The following FRMD5 variants were observed in gnomAD, a reference collection of about 807,000 sequenced individuals.
FRMD5 encodes the protein FERM domain containing 5, also known as FERM domain-containing protein 5.
Under a neutral mutation model 69.0 loss-of-function variants are expected in FRMD5, and 20 were observed. The observed-to-expected ratio is 0.29, with a 90% confidence interval of 0.20 to 0.42. The LOEUF is 0.42. Ranked by LOEUF, FRMD5 falls within the 10% of genes least tolerant of loss-of-function variation. FRMD5 has a pLI of 1.00. For synonymous variants in FRMD5, 271 were observed against 260.1 expected (o/e 1.04, Z -0.40); for missense variants, 595 against 708.6 (o/e 0.84, Z 1.82).
intron 1 of FRMD5, among the ~76,000 whole-genome samples, chr15:44,112,387 T>G (rs1010421299): frequency 6.6e-6 from 1 of 152,106 alleles, no homozygotes; most frequent in African/African-American, 2.4e-5. Context: ...AACTCATAAT[T>G]CAATCTTTCT....
intron 1 of FRMD5, among the ~76,000 whole-genome samples, chr15:43,931,404 C>G (rs1286557436): frequency 6.6e-6 from 1 of 152,080 alleles, no homozygotes; most frequent in East Asian, 1.9e-4. Flanking sequence ...CTCTTTCTCT[C>G]TCACACTTAT....
At chr15:44,137,294 C>T (rs903190696) in intron 1 of FRMD5, among the ~76,000 whole-genome samples, 2 of 152,238 alleles carry the variant, frequency 1.3e-5, no homozygotes, top group Admixed American at 1.3e-4. Context: ...TCTCCAAGAA[C>T]ATACTGCCTT....
intron 1 of FRMD5, among the ~76,000 whole-genome samples, chr15:44,069,231 A>G (rs1893430698): frequency 6.6e-6 from 1 of 152,208 alleles, no homozygotes; most frequent in Admixed American, 6.5e-5. Flanking sequence ...GTCAGTGGGA[A>G]TGTAAAATGG....
chr15:44,096,507 A>G (rs1045151288), intron 1 of FRMD5, among the ~76,000 whole-genome samples: 10 of 151,194 alleles, frequency 6.6e-5, no homozygotes, highest in African/African-American at 2.2e-4. Context: ...GGTTCAAGTA[A>G]TTCTCCTACC....
rs897555010 is a variant in FRMD5, at chr15:43,909,983, G to A, written c.330-4C>T. The A allele has an allele frequency of 2.0e-6, 3 of 1,521,280 alleles. No homozygotes were observed. Among genetic ancestry groups the A allele is most frequent in the African/African-American group, 2.7e-5 (2 of 73,136 alleles). The allele number at this position is 1,521,280 out of a possible 1,614,324, so 94.2% of individuals were successfully genotyped here. On this transcript the variant is annotated splice_polypyrimidine_tract_variant and splice_region_variant and intron_variant, in intron 4 of 13. Transcript: ENST00000417257. ...GATCTGCAGGAAGACTAAATACCTG[G>A]AGAGAAAACAGAGAATAAACTATAA...
At chr15:44,034,272 T>C (rs940172969) in intron 1 of FRMD5, among the ~76,000 whole-genome samples, 2 of 152,256 alleles carry the variant, frequency 1.3e-5, no homozygotes, top group African/African-American at 4.8e-5. Flanking sequence ...CTTAAAAGTT[T>C]ACTAATCACA....
chr15:44,051,434 T>A (rs1050378330), intron 1 of FRMD5, among the ~76,000 whole-genome samples: 13 of 151,370 alleles, frequency 8.6e-5, no homozygotes, highest in Admixed American at 7.9e-4. Context: ...TTAAAGATAT[T>A]ACAGTTTTAA....
intron 1 of FRMD5, among the ~76,000 whole-genome samples, chr15:43,955,122 T>C (rs2090094083): frequency 6.6e-6 from 1 of 152,236 alleles, no homozygotes; most frequent in African/African-American, 2.4e-5. Context: ...AGGTACACTG[T>C]AAATGCATAT....
chr15:43,892,454 T>A (rs1595488469), intron 7 of FRMD5, among the ~76,000 whole-genome samples: 1 of 152,346 alleles, frequency 6.6e-6, no homozygotes, highest in East Asian at 1.9e-4. Context: ...AGTTACCATA[T>A]GACCCAGCAA....
chr15:44,064,705 A>G (rs1204022941), intron 1 of FRMD5, among the ~76,000 whole-genome samples: 2 of 152,248 alleles, frequency 1.3e-5, no homozygotes, highest in South Asian at 2.1e-4. Context: ...CTGTAGTCTT[A>G]TATTACCTCC....
intron 1 of FRMD5, among the ~76,000 whole-genome samples, chr15:44,180,033 A>C (rs2077968541): frequency 7.0e-6 from 1 of 142,748 alleles, no homozygotes; most frequent in Admixed American, 7.2e-5. Flanking sequence ...CCTGGACAAG[A>C]TAGTGAGACT....
intron 1 of FRMD5, among the ~76,000 whole-genome samples, chr15:43,995,597 A>G (rs1487391076): frequency 6.6e-6 from 1 of 151,956 alleles, no homozygotes; most frequent in Non-Finnish European, 1.5e-5. Context: ...TTCTGGGTCC[A>G]CTGGAGGTTG....
chr15:43,962,207 T>C (rs2090213981), intron 1 of FRMD5, among the ~76,000 whole-genome samples: 1 of 152,120 alleles, frequency 6.6e-6, no homozygotes, highest in African/African-American at 2.4e-5. Context: ...TTCAGCAAAG[T>C]CTCAGGATAC....
chr15:43,870,929 A>G lies in FRMD5; in HGVS notation c.*2956T>C, dbSNP rs1339763865. On this transcript the variant is annotated 3_prime_UTR_variant, in exon 14 of 14. Transcript: ENST00000417257. Reference sequence around the variant, plus strand: ...TTAACAACTATATATTTTTAAATGTATCTAAGAAATTCACATTTGCAGGTA... The same window carrying G: ...TTAACAACTATATATTTTTAAATGTGTCTAAGAAATTCACATTTGCAGGTA... 3 of 152,258 alleles carry G rather than the reference A, an allele frequency of 2.0e-5. No homozygotes were observed. Among genetic ancestry groups the G allele is most frequent in the African/African-American group, 4.8e-5 (2 of 41,468 alleles). The allele number at this position is 152,258 out of a possible 1,614,324, so 9.4% of individuals were successfully genotyped here.
At position 43,970,810 on chromosome 15, in the gene FRMD5, C is replaced by A. The variant is rs139310475; in HGVS notation, c.103-46501G>T. Among the ~76,000 whole-genome samples, 367 of 152,232 alleles carry A rather than the reference C, an allele frequency of 2.4e-3. 1 individual carries two copies. The highest frequency in any genetic ancestry group is 4.7e-3 in the Admixed American group (72 of 15,272). The stretch of plus-strand genomic sequence containing the variant: ...AGCATTTCTTAGGTAAATGAGACGT[C>A]TTTTTCTCCAGCAGAATTTAATTGC... On this transcript the variant is annotated intron_variant, in intron 1 of 13. Coordinates refer to ENST00000417257, the MANE Select transcript of FRMD5 (RefSeq NM_032892.5).
chr15:44,074,980 T>C (rs991596648), intron 1 of FRMD5, among the ~76,000 whole-genome samples: 4 of 152,176 alleles, frequency 2.6e-5, no homozygotes, highest in African/African-American at 7.2e-5. Flanking sequence ...AAGGTGAAGC[T>C]AGTGCTTGGG....
intron 1 of FRMD5, among the ~76,000 whole-genome samples, chr15:44,158,366 T>C (rs1010931062): frequency 1.3e-5 from 2 of 152,188 alleles, no homozygotes; most frequent in African/African-American, 4.8e-5. Context: ...CCTTGACTCA[T>C]TCCAATGTCT....
Position 43,888,251 on chromosome 15 carries a change from GAAT to G in FRMD5, c.805_807del (p.Ile269del). On this transcript the variant is annotated inframe_deletion, in exon 10 of 14. Coordinates refer to ENST00000417257, the MANE Select transcript of FRMD5 (RefSeq NM_032892.5). ...TCAGGAGTTGGAGCAAAATATGTAA[GAAT>G]AATTTTCTTTTCCTGCAAAAAATTC... 6.2e-7 allele frequency: 1 copy of G among 1,613,344 alleles called. No homozygotes were observed.
At chr15:43,913,712 C>G (rs748274868) in intron 4 of FRMD5, among the ~76,000 whole-genome samples, 235 of 152,220 alleles carry the variant, frequency 1.5e-3, no homozygotes, top group Non-Finnish European at 2.6e-3. Flanking sequence ...TCCTGAATCT[C>G]TGAACCTCAG....
Sources: gnomAD v4.1 joint callset for allele counts (sites outside exome capture counted in the v4.1 genomes callset) on GRCh38, gnomAD v4.1.1 for gene constraint, MANE v1.5 for transcripts, NCBI Gene and HGNC (gene_info 2026-07-23, HGNC 2026-07-21) for gene names.